The following ACSM5 variants were observed in gnomAD, a reference collection of about 807,000 sequenced individuals.
ACSM5 encodes the protein acyl-coenzyme A synthetase ACSM5, mitochondrial.
Under a neutral mutation model 71.6 loss-of-function variants are expected in ACSM5, and 56 were observed. The ratio of observed to expected loss-of-function variants is 0.78; its 90% CI spans 0.63 to 0.98. ACSM5 has a LOEUF of 0.98. Ranked by LOEUF, ACSM5 falls within the 50% of genes least tolerant of loss-of-function variation. The pLI is 0.00. For synonymous variants in ACSM5, 285 were observed against 281.5 expected (o/e 1.01, Z -0.12); for missense variants, 723 against 726.0 (o/e 1.00, Z 0.05).
intron 7 of ACSM5, among the ~76,000 whole-genome samples, chr16:20,429,423 C>G (rs1967050687): frequency 6.6e-6 from 1 of 152,110 alleles, no homozygotes; most frequent in African/African-American, 2.4e-5. Context: ...ACCTGGAACT[C>G]ACCATATTAT....
chr16:20,428,621 G>A (rs1471424357), intron 7 of ACSM5, among the ~76,000 whole-genome samples: 1 of 152,038 alleles, frequency 6.6e-6, no homozygotes, highest in Non-Finnish European at 1.5e-5. Flanking sequence ...CCCACCAAGT[G>A]TCCAAAAAAG....
intron 2 of ACSM5, among the ~76,000 whole-genome samples, chr16:20,412,406 T>C (rs566980231): frequency 7.0e-4 from 107 of 152,262 alleles, no homozygotes; most frequent in African/African-American, 2.4e-3. Context: ...AGAATAGGGC[T>C]CAGGCTCAAA....
At chr16:20,429,829 C>T in intron 8 of ACSM5, 28 bp downstream of exon 8, 1 of 1,605,124 alleles carries the variant, frequency 6.2e-7, no homozygotes, top group Admixed American at 1.7e-5. Context: ...CAGGTCCCTA[C>T]CCCCCAGGTC....
At chr16:20,432,126 G>A (rs1967111859) in intron 10 of ACSM5, among the ~76,000 whole-genome samples, 2 of 152,040 alleles carry the variant, frequency 1.3e-5, no homozygotes. Context: ...CATCTTGGGT[G>A]GTGTTTATGT....
chr16:20,425,439 T>A (rs1008700268), intron 6 of ACSM5, among the ~76,000 whole-genome samples: 6 of 152,126 alleles, frequency 3.9e-5, no homozygotes, highest in South Asian at 2.1e-4. Flanking sequence ...TAAAAAAAAA[T>A]TATTTTCATA....
intron 2 of ACSM5, among the ~76,000 whole-genome samples, chr16:20,414,179 C>A (rs1449406165): frequency 6.6e-6 from 1 of 152,158 alleles, no homozygotes; most frequent in Non-Finnish European, 1.5e-5. Flanking sequence ...AAATAATGCA[C>A]CCCTTCCCCA....
chr16:20,411,681 T>C lies in ACSM5; in HGVS notation c.197T>C (p.Leu66Pro), dbSNP rs1036889437. The C allele has an allele frequency of 1.2e-6, 2 of 1,613,866 alleles. No homozygotes were observed. Among genetic ancestry groups the C allele is most frequent in the Non-Finnish European group, 1.7e-6 (2 of 1,180,026 alleles). ...GATGTGCTGGATGTGTGGAGTCGGC[T>C]GGAAGAGGTGAAGCCTGTTCTGTCC... ...AHDVLDVWSR[L>P]EEAGHRPPNP... is the part of the protein sequence containing the mutation. The change falls in exon 2 of 14, where the codon CTG becomes CCG. Residue 66 changes from leucine to proline, a missense_variant. By Grantham distance (98) the Leu-to-Pro change is moderately conservative (BLOSUM62 -3). Transcript: ENST00000331849.
intron 2 of ACSM5, 53 bp downstream of exon 2, chr16:20,411,741 T>C: frequency 1.3e-6 from 2 of 1,551,714 alleles, no homozygotes; most frequent in Non-Finnish European, 1.8e-6. Context: ...GCTGCCCTCA[T>C]GTACCACAAT....
chr16:20,415,571 G>A (rs979929639), intron 2 of ACSM5, among the ~76,000 whole-genome samples: 5 of 152,172 alleles, frequency 3.3e-5, no homozygotes, highest in Admixed American at 3.3e-4. Context: ...ATAGAAGAAG[G>A]CTGTTGGACT....
intron 5 of ACSM5, among the ~76,000 whole-genome samples, chr16:20,422,422 T>A (rs1021517690): frequency 3.9e-5 from 6 of 152,222 alleles, no homozygotes; most frequent in Non-Finnish European, 8.8e-5. Flanking sequence ...GACCACATTT[T>A]AAATAATCCA....
intron 2 of ACSM5, 30 bp from the exon 3 acceptor site, chr16:20,418,029 C>CA (rs1966860757): frequency 1.3e-6 from 2 of 1,550,604 alleles, no homozygotes; most frequent in Non-Finnish European, 1.8e-6. Context: ...TAAATTGCTT[C>CA]TTTTTTTTTC....
intron 4 of ACSM5, among the ~76,000 whole-genome samples, chr16:20,419,992 G>A (rs993706331): frequency 2.0e-5 from 3 of 152,212 alleles, no homozygotes; most frequent in African/African-American, 7.2e-5. Flanking sequence ...CTGAGACTTG[G>A]AAAACTAAAG....
At chr16:20,437,592 A>G (rs1206346863) in intron 12 of ACSM5, among the ~76,000 whole-genome samples, 1 of 146,598 alleles carries the variant, frequency 6.8e-6, no homozygotes, top group Non-Finnish European at 1.5e-5. Flanking sequence ...AATGGACACA[A>G]CTACATCCCA....
At chr16:20,420,331 T>C (rs987284739) in intron 4 of ACSM5, among the ~76,000 whole-genome samples, 1 of 152,220 alleles carries the variant, frequency 6.6e-6, no homozygotes, top group Non-Finnish European at 1.5e-5. Context: ...CCAGGCGCCA[T>C]GGCTCACGCC....
In ACSM5 at chr16:20,439,069, C is replaced by G. The variant is rs549544172; in HGVS notation, c.1537-731C>G. 4.0e-3 allele frequency among the ~76,000 whole-genome samples: 592 copies of G among 149,090 alleles called. 4 individuals are homozygous for G. The highest frequency in any genetic ancestry group is 0.014 in the African/African-American group (560 of 40,108). On this transcript the variant is annotated intron_variant, in intron 12 of 13. Coordinates refer to ENST00000331849, the MANE Select transcript of ACSM5 (RefSeq NM_017888.3). ...CTGTCTGAACATGAAATGATAGTGG[C>G]CTTCCTCCCTGTGGGAAGTATGCAA...
intron 10 of ACSM5, among the ~76,000 whole-genome samples, chr16:20,431,658 G>A (rs944120767): frequency 6.6e-5 from 10 of 151,996 alleles, no homozygotes; most frequent in African/African-American, 2.2e-4. Context: ...AGCTTCTGAA[G>A]GTCAAACTGC....
chr16:20,411,097 G>A lies in ACSM5; in HGVS notation c.-15-373G>A, dbSNP rs541305247. Reference sequence around the variant, plus strand: ...TAGAACATTGTAAATTGCACAGGTGGCTCACGTTCTATTTCTGTTGGACAG... The same window carrying A: ...TAGAACATTGTAAATTGCACAGGTGACTCACGTTCTATTTCTGTTGGACAG... On this transcript the variant is annotated intron_variant, in intron 1 of 13. Transcript: ENST00000331849. Among the ~76,000 whole-genome samples the A allele has an allele frequency of 5.3e-5, 8 of 152,268 alleles. No homozygotes were observed. The South Asian group carries it at 1.5e-3, about 28-fold the overall frequency.
intron 5 of ACSM5, 29 bp from the exon 6 acceptor site, chr16:20,423,887 G>A: frequency 2.5e-6 from 4 of 1,613,008 alleles, no homozygotes; most frequent in Non-Finnish European, 3.4e-6. Flanking sequence ...TCATTGCCAA[G>A]GTTACTGACG....
intron 2 of ACSM5, among the ~76,000 whole-genome samples, chr16:20,413,396 T>G (rs1966851113): frequency 6.6e-6 from 1 of 152,220 alleles, no homozygotes; most frequent in South Asian, 2.1e-4. Flanking sequence ...GAACTGTTGT[T>G]ATTTGAGCTG....
Sources: allele counts gnomAD v4.1 joint callset (sites outside exome capture counted in the v4.1 genomes callset), GRCh38; gene constraint gnomAD v4.1.1; transcripts MANE v1.5; gene names NCBI Gene and HGNC (gene_info 2026-07-23, HGNC 2026-07-21).